Variants in INKA2 observed in about 807,000 individuals in gnomAD.
INKA2 encodes the protein PAK4-inhibitor INKA2.
A neutral mutation model predicts 9.8 loss-of-function variants in INKA2; 3 were observed. That is an observed-to-expected ratio of 0.31 (90% confidence interval 0.14 to 0.79). The LOEUF is 0.79. Among genes scored for constraint, INKA2 ranks in the 30% least tolerant of loss-of-function variants. The pLI is 0.62. For synonymous variants in INKA2, 147 were observed against 143.3 expected (o/e 1.03, Z -0.18); for missense variants, 392 against 384.4 (o/e 1.02, Z -0.17).
chr1:111,730,798 C>T (rs556585477), intron 1 of INKA2, among the ~76,000 whole-genome samples: 4 of 152,286 alleles, frequency 2.6e-5, no homozygotes, highest in African/African-American at 9.6e-5. Flanking sequence ...GAGATCTATA[C>T]ATCAGTATGT....
chr1:111,738,134 C>T (rs908222976), intron 1 of INKA2, among the ~76,000 whole-genome samples: 2 of 152,046 alleles, frequency 1.3e-5, no homozygotes, highest in South Asian at 2.1e-4. Flanking sequence ...TGAGAAGAGT[C>T]GACTCCAAGA....
chr1:111,749,538 C>A (rs1362693143), intron 1 of INKA2, among the ~76,000 whole-genome samples: 1 of 152,222 alleles, frequency 6.6e-6, no homozygotes, highest in Non-Finnish European at 1.5e-5. Context: ...TGTCATTTAA[C>A]CCTTTCATTT....
intron 1 of INKA2, among the ~76,000 whole-genome samples, chr1:111,731,080 G>C (rs1473070599): frequency 6.6e-6 from 1 of 152,198 alleles, no homozygotes; most frequent in Non-Finnish European, 1.5e-5. Context: ...ATCTCTTCCA[G>C]TGTGGAAAAA....
At chr1:111,735,859 A>G (rs912947300) in intron 1 of INKA2, among the ~76,000 whole-genome samples, 4 of 152,184 alleles carry the variant, frequency 2.6e-5, no homozygotes, top group Non-Finnish European at 5.9e-5. Context: ...TAGGACAGAC[A>G]TTCCCAGAGA....
rs1265468003 is a variant in INKA2, at chr1:111,722,685, TG to T, written c.*4282del. 1 of 163,660 alleles carries T rather than the reference TG, an allele frequency of 6.1e-6. No homozygotes were observed. The highest frequency in any genetic ancestry group is 1.3e-5 in the Non-Finnish European group (1 of 75,304). The allele number at this position is 163,660 out of a possible 1,614,324, so 10.1% of individuals were successfully genotyped here. On this transcript the variant is annotated 3_prime_UTR_variant, in exon 2 of 2. Coordinates refer to ENST00000357260, the MANE Select transcript of INKA2 (RefSeq NM_019099.5). ...GCCATTTAGCAAATAACAGCCCATC[TG>T]GGTGGCTAGTATACAGTGTACAAAA...
chr1:111,755,329 T>C, intron 1 of INKA2: 1 of 280,036 alleles, frequency 3.6e-6, no homozygotes. Flanking sequence ...TGCTAGGAGA[T>C]AAATGGGGTT....
In INKA2 at chr1:111,725,944, C is replaced by G. The variant is rs900215268; in HGVS notation, c.*1024G>C. On this transcript the variant is annotated 3_prime_UTR_variant, in exon 2 of 2. Transcript: ENST00000357260. The stretch of plus-strand genomic sequence containing the variant: ...TAGAGACGGGGTTTCACCATGTTGG[C>G]CAGGCTGGTCATGAACTCCTGACCC... 1.3e-5 allele frequency: 5 copies of G among 387,800 alleles called. No individual in the cohort carries two copies. Among genetic ancestry groups the G allele is most frequent in the African/African-American group, 1.0e-4 (5 of 48,408 alleles). The allele number at this position is 387,800 out of a possible 1,614,324, so 24.0% of individuals were successfully genotyped here.
intron 1 of INKA2, chr1:111,755,511 GGCC>G: frequency 1.6e-6 from 1 of 633,154 alleles, no homozygotes; most frequent in East Asian, 3.0e-5. Flanking sequence ...AAGCGAGACA[GGCC>G]AGCGGAACGG....
At chr1:111,741,658 C>A (rs180857515), upstream of INKA2, among the ~76,000 whole-genome samples, 23 of 152,336 alleles carry the variant, frequency 1.5e-4, no homozygotes, top group African/African-American at 5.3e-4. Context: ...CAGTCTCCAG[C>A]ACGGTAGTCA....
rs539341968 is a variant in INKA2 at position 111,734,277 on chromosome 1, T to C, written c.57+4909A>G. On this transcript the variant is annotated intron_variant, in intron 1 of 1. Transcript: ENST00000357260. ...ATGGAGAGGGGATTCCAATGCTGCC[T>C]CTTCCCGGAGATTGCCTCTTAGTCT... is the stretch of plus-strand genomic sequence containing the variant. Among the ~76,000 whole-genome samples, 3 of 152,340 alleles carry C rather than the reference T, an allele frequency of 2.0e-5. No homozygotes were observed. In the East Asian group the frequency reaches 5.8e-4, roughly 29 times the overall value.
At position 111,726,927 on chromosome 1, in the gene INKA2, C is replaced by A; in HGVS notation, c.*41G>T. The A allele has an allele frequency of 1.3e-6, 2 of 1,580,620 alleles. No homozygotes were observed. Among genetic ancestry groups the A allele is most frequent in the East Asian group, 2.2e-5 (1 of 44,520 alleles). Reference sequence around the variant, plus strand: ...CCTCCCCAGGGGCCCAGCACTGGGACCTGGCCCTTTCAGGCTCAGTCAACT... The same window carrying A: ...CCTCCCCAGGGGCCCAGCACTGGGAACTGGCCCTTTCAGGCTCAGTCAACT... On this transcript the variant is annotated 3_prime_UTR_variant, in exon 2 of 2. Coordinates refer to ENST00000357260, the MANE Select transcript of INKA2 (RefSeq NM_019099.5).
intron 1 of INKA2, chr1:111,747,523 TCTG>T (rs1284142189): frequency 1.3e-5 from 2 of 152,358 alleles, no homozygotes; most frequent in Non-Finnish European, 2.9e-5. Flanking sequence ...TGGTTGCAAT[TCTG>T]CTCCTCTCTC....
intron 1 of INKA2, among the ~76,000 whole-genome samples, chr1:111,737,676 G>C (rs774082321): frequency 6.6e-6 from 1 of 152,214 alleles, no homozygotes; most frequent in African/African-American, 2.4e-5. Context: ...TATGGGAAGG[G>C]ACATGGCGTA....
At chr1:111,739,449 GGGAC>G (rs1663092232), upstream of INKA2, 7 of 1,430,642 alleles carry the variant, frequency 4.9e-6, no homozygotes, top group Non-Finnish European at 6.4e-6. Flanking sequence ...AGGGAAAAGT[GGGAC>G]AGCCAATGAG....
At chr1:111,736,933 T>A (rs17568965) in intron 1 of INKA2, among the ~76,000 whole-genome samples, 6,122 of 152,298 alleles carry the variant, frequency 0.04, 152 homozygotes, top group East Asian at 0.073. Flanking sequence ...GGCACTGAGA[T>A]TTGGCCCAGC....
intron 1 of INKA2, among the ~76,000 whole-genome samples, chr1:111,729,642 G>A (rs886652838): frequency 3.3e-5 from 5 of 152,322 alleles, no homozygotes; most frequent in Middle Eastern, 3.4e-3. Flanking sequence ...TCATATGCAG[G>A]GACCATGTGT....
upstream of INKA2, chr1:111,739,544 T>A: frequency 3.9e-6 from 3 of 761,688 alleles, no homozygotes; most frequent in Non-Finnish European, 5.7e-6. Context: ...CCTACCGCAG[T>A]GTTTGCACAG....
chr1:111,750,103 C>T (rs538129), intron 1 of INKA2, among the ~76,000 whole-genome samples: 2 of 152,222 alleles, frequency 1.3e-5, no homozygotes, highest in African/African-American at 2.4e-5. Context: ...ACCTTCCTCC[C>T]TAAAGACTGA....
At position 111,727,388 on chromosome 1, in the gene INKA2, C is replaced by G. The variant is rs189423070; in HGVS notation, c.474G>C (p.Gly158=). 170 of 1,613,868 alleles carry G rather than the reference C, an allele frequency of 1.1e-4. No individual in the cohort carries two copies. In the Admixed American group the frequency reaches 2.8e-3, roughly 27 times the overall value. The part of the protein sequence containing the change: ...RGRNRQPLVL[G]DNVFADLVGN... The stretch of plus-strand genomic sequence containing the variant: ...CCACCAGGTCTGCAAAAACGTTGTC[C>G]CCTAACACCAGAGGCTGTCGATTCC... The change falls in exon 2 of 2, where the codon GGG becomes GGC. Residue 158 remains glycine (G), a synonymous_variant. Coordinates refer to ENST00000357260, the MANE Select transcript of INKA2 (RefSeq NM_019099.5).
Sources: gnomAD v4.1 joint callset for allele counts (sites outside exome capture counted in the v4.1 genomes callset) on GRCh38, gnomAD v4.1.1 for gene constraint, MANE v1.5 for transcripts, NCBI Gene and HGNC (gene_info 2026-07-23, HGNC 2026-07-21) for gene names.